The following NELL1 variants were observed in gnomAD, a reference collection of about 807,000 sequenced individuals.
The protein encoded by NELL1 is protein kinase C-binding protein NELL1.
NELL1 carries 76 observed loss-of-function variants against 107.4 expected under a neutral mutation model. That is an observed-to-expected ratio of 0.71 (90% CI 0.59 to 0.86). NELL1 has a LOEUF of 0.86. Ranked by LOEUF, NELL1 falls within the 40% of genes least tolerant of loss-of-function variation. The pLI, the probability that NELL1 is intolerant of heterozygous loss-of-function variation, is 0.00. For synonymous variants in NELL1, 353 were observed against 341.2 expected, an observed-to-expected ratio of 1.03 and a Z score of -0.38; for missense variants, 1,024 against 1,005.5, an observed-to-expected ratio of 1.02 and a Z score of -0.25.
At chr11:21,090,110 T>C (rs1389936340) in intron 12 of NELL1, among the ~76,000 whole-genome samples, 1 of 152,164 alleles carries the variant, frequency 6.6e-6, no homozygotes, top group Non-Finnish European at 1.5e-5. Context: ...TTCCTGTAGT[T>C]TGAGATGTAC....
chr11:21,189,424 C>T (rs1157244228), intron 13 of NELL1, among the ~76,000 whole-genome samples: 1 of 151,780 alleles, frequency 6.6e-6, no homozygotes, highest in Non-Finnish European at 1.5e-5. Flanking sequence ...ATTTACATAT[C>T]TTTGTTCATT....
intron 16 of NELL1, among the ~76,000 whole-genome samples, chr11:21,545,737 A>G (rs1856426692): frequency 6.6e-6 from 1 of 151,970 alleles, no homozygotes; most frequent in African/African-American, 2.4e-5. Context: ...TTTCTGAAAA[A>G]TAGGTTTTCC....
At chr11:21,126,319 C>A (rs10766766) in intron 13 of NELL1, among the ~76,000 whole-genome samples, 47,724 of 151,870 alleles carry the variant, frequency 0.31, 7,690 homozygotes, top group Non-Finnish European at 0.34. Flanking sequence ...AACCTATTCA[C>A]GTAAGCAAGC....
In NELL1 at chr11:21,501,482, G is replaced by A. The variant is rs1590984385; in HGVS notation, c.1646-32892G>A. ...TGATGGGGAGAACATTGTGACAACTGTTATTCCATCTCATCTGCATGTCCT... is the reference window on the plus strand; with the variant it reads ...TGATGGGGAGAACATTGTGACAACTATTATTCCATCTCATCTGCATGTCCT... On this transcript the variant is annotated intron_variant, in intron 15 of 19. Transcript: ENST00000357134. Among the ~76,000 whole-genome samples the A allele has an allele frequency of 2.0e-5, 3 of 152,070 alleles. No homozygotes were observed. The East Asian group carries it at 6.0e-4, about 30-fold the overall frequency.
chr11:21,109,778 T>G (rs1028895788), intron 12 of NELL1, among the ~76,000 whole-genome samples: 4 of 152,186 alleles, frequency 2.6e-5, no homozygotes, highest in African/African-American at 7.2e-5. Context: ...ATTCGCTATT[T>G]CTGAAGATTG....
chr11:21,087,299 T>A (rs1854417641), intron 12 of NELL1, among the ~76,000 whole-genome samples: 1 of 152,176 alleles, frequency 6.6e-6, no homozygotes, highest in African/African-American at 2.4e-5. Context: ...AATTTTATGT[T>A]CATATCCTGG....
At chr11:21,374,194 T>C (rs1231069004) in intron 15 of NELL1, among the ~76,000 whole-genome samples, 1 of 152,134 alleles carries the variant, frequency 6.6e-6, no homozygotes, top group African/African-American at 2.4e-5. Context: ...TTAGTGGCTT[T>C]AAACAACAAA....
At chr11:21,463,910 T>C (rs77545981) in intron 15 of NELL1, among the ~76,000 whole-genome samples, 1 of 152,086 alleles carries the variant, frequency 6.6e-6, no homozygotes, top group East Asian at 1.9e-4. Context: ...AAGACTTTTT[T>C]ACTAACACAT....
At chr11:21,337,815 T>G (rs191042886) in intron 14 of NELL1, among the ~76,000 whole-genome samples, 153 of 35,460 alleles carry the variant, frequency 4.3e-3, no homozygotes, top group South Asian at 8.8e-3. Context: ...TTTCTTGCTT[T>G]CCTTCTTTCT....
At chr11:20,805,844 TAAAC>T in intron 3 of NELL1, among the ~76,000 whole-genome samples, 1 of 152,370 alleles carries the variant, frequency 6.6e-6, no homozygotes. Context: ...ACCGAGTACA[TAAAC>T]AAACAAGCAA....
intron 13 of NELL1, among the ~76,000 whole-genome samples, chr11:21,202,800 G>A (rs1233157555): frequency 1.3e-5 from 2 of 152,156 alleles, no homozygotes; most frequent in Non-Finnish European, 2.9e-5. Context: ...CTTTAGCTGT[G>A]TCCCAGAGAT....
chr11:21,164,383 G>C (rs1856437082), intron 13 of NELL1, among the ~76,000 whole-genome samples: 1 of 152,140 alleles, frequency 6.6e-6, no homozygotes, highest in African/African-American at 2.4e-5. Context: ...AACTGTGTGA[G>C]TCTCAATTCT....
At chr11:21,165,164 A>G (rs1469194588) in intron 13 of NELL1, among the ~76,000 whole-genome samples, 2 of 152,176 alleles carry the variant, frequency 1.3e-5, no homozygotes, top group Admixed American at 6.5e-5. Flanking sequence ...GGAAGCTGAC[A>G]CTTCTCTATA....
chr11:21,535,923 A>T (rs1162100668), intron 16 of NELL1, among the ~76,000 whole-genome samples: 1 of 152,162 alleles, frequency 6.6e-6, no homozygotes, highest in Non-Finnish European at 1.5e-5. Flanking sequence ...ATGAATAGGA[A>T]CAGGTCAAAT....
At chr11:20,912,534 C>T (rs767856739) in intron 5 of NELL1, among the ~76,000 whole-genome samples, 9 of 152,058 alleles carry the variant, frequency 5.9e-5, no homozygotes, top group Non-Finnish European at 1.0e-4. Flanking sequence ...AAGGATGCTT[C>T]AGGGGTTGAG....
At chr11:20,736,535 G>A (rs1184510870) in intron 2 of NELL1, among the ~76,000 whole-genome samples, 1 of 152,122 alleles carries the variant, frequency 6.6e-6, no homozygotes, top group Non-Finnish European at 1.5e-5. Flanking sequence ...CAGAGAAGAT[G>A]GTGGTCTGCT....
intron 12 of NELL1, among the ~76,000 whole-genome samples, chr11:21,090,299 A>T (rs1044976517): frequency 1.3e-4 from 20 of 152,122 alleles, no homozygotes; most frequent in African/African-American, 3.9e-4. Context: ...ATTATGGTTA[A>T]CACTCATCTC....
chr11:21,318,278 G>A (rs945439241), intron 14 of NELL1, among the ~76,000 whole-genome samples: 1 of 152,134 alleles, frequency 6.6e-6, no homozygotes, highest in Non-Finnish European at 1.5e-5. Context: ...AGGACAGTAT[G>A]TAATTCATGT....
intron 15 of NELL1, among the ~76,000 whole-genome samples, chr11:21,474,708 T>C (rs1590960312): frequency 6.6e-6 from 1 of 151,946 alleles, no homozygotes; most frequent in African/African-American, 2.4e-5. Context: ...CAATCTTTTT[T>C]TCCACAATGC....
Sources: allele counts gnomAD v4.1 joint callset (sites outside exome capture counted in the v4.1 genomes callset), GRCh38; gene constraint gnomAD v4.1.1; transcripts MANE v1.5; gene names NCBI Gene and HGNC (gene_info 2026-07-23, HGNC 2026-07-21).